SEPTIN7: variants seen among roughly 807,000 people sequenced by gnomAD.
SEPTIN7 encodes septin-7.
SEPTIN7 carries 10 observed loss-of-function variants against 63.3 expected under a neutral mutation model. The observed-to-expected ratio is 0.16, with a 90% CI of 0.10 to 0.27. The LOEUF (loss-of-function observed/expected upper bound fraction) is 0.27, where lower values mean the gene tolerates loss of function less well. Ranked by LOEUF, SEPTIN7 falls within the 10% of genes least tolerant of loss-of-function variation. The probability of loss-of-function intolerance (pLI) is 1.00; values close to 1 mark genes in which losing one functional copy is unlikely to be tolerated. For missense variants in SEPTIN7, 310 were observed against 521.0 expected (o/e 0.59, Z 3.94); for synonymous variants, 131 against 165.3 (o/e 0.79, Z 1.59).
At chr7:35,842,827 T>C (rs574760952) in intron 3 of SEPTIN7, among the ~76,000 whole-genome samples, 185 of 152,298 alleles carry the variant, frequency 1.2e-3, no homozygotes, top group African/African-American at 4.4e-3. Flanking sequence ...CTAAATACTT[T>C]AGTATATCTC....
rs114799219 is a variant in SEPTIN7, at chr7:35,898,798, A to G, written c.1134+415A>G. Reference sequence around the variant, plus strand: ...ATATTTATTTGTGTATGAGTGAAAAAGAGGGAAATAACCTTTATTGAACTA... The same window carrying G: ...ATATTTATTTGTGTATGAGTGAAAAGGAGGGAAATAACCTTTATTGAACTA... On this transcript the variant is annotated intron_variant, in intron 12 of 13. Transcript: ENST00000350320. The G allele has an allele frequency of 3.8e-3, 587 of 153,326 alleles. 3 individuals are homozygous for G. Among genetic ancestry groups the G allele is most frequent in the African/African-American group, 0.013 (560 of 41,588 alleles). The allele number at this position is 153,326 out of a possible 1,614,324, so 9.5% of individuals were successfully genotyped here.
intron 3 of SEPTIN7, among the ~76,000 whole-genome samples, chr7:35,835,589 A>G (rs1784046415): frequency 6.6e-6 from 1 of 152,190 alleles, no homozygotes; most frequent in Non-Finnish European, 1.5e-5. Flanking sequence ...ATCTGGGGAT[A>G]CTGGGTATAG....
chr7:35,853,607 C>T (rs1462561446), intron 3 of SEPTIN7, among the ~76,000 whole-genome samples: 1 of 152,176 alleles, frequency 6.6e-6, no homozygotes, highest in Non-Finnish European at 1.5e-5. Flanking sequence ...GTTTCATTTA[C>T]TTAGCTGTAA....
At chr7:35,823,841 A>G (rs1783361738) in intron 1 of SEPTIN7, among the ~76,000 whole-genome samples, 1 of 151,874 alleles carries the variant, frequency 6.6e-6, no homozygotes, top group South Asian at 2.1e-4. Flanking sequence ...TTACTTCTTA[A>G]AATCCCCTAC....
intron 1 of SEPTIN7, among the ~76,000 whole-genome samples, chr7:35,818,816 C>T (rs528210727): frequency 2.0e-5 from 3 of 151,012 alleles, no homozygotes; most frequent in South Asian, 2.1e-4. Context: ...AGTGATTTCC[C>T]TTCTTTCATT....
At chr7:35,898,000 C>T (rs757590500) in intron 11 of SEPTIN7, among the ~76,000 whole-genome samples, 2 of 151,740 alleles carry the variant, frequency 1.3e-5, no homozygotes, top group Non-Finnish European at 2.9e-5. Flanking sequence ...TCCCATTTTC[C>T]TTCTACAGTT....
chr7:35,808,404 T>C (rs1371720849), intron 1 of SEPTIN7, among the ~76,000 whole-genome samples: 1 of 152,212 alleles, frequency 6.6e-6, no homozygotes, highest in Non-Finnish European at 1.5e-5. Flanking sequence ...TTTGGGTTAT[T>C]CCGTATCAGT....
chr7:35,834,774 T>C (rs1234676705), intron 3 of SEPTIN7, among the ~76,000 whole-genome samples: 2 of 152,188 alleles, frequency 1.3e-5, no homozygotes, highest in African/African-American at 4.8e-5. Context: ...AGGCTGACTC[T>C]AACAGCATCA....
chr7:35,820,517 G>C (rs1789349413), intron 1 of SEPTIN7, among the ~76,000 whole-genome samples: 1 of 151,912 alleles, frequency 6.6e-6, no homozygotes, highest in Non-Finnish European at 1.5e-5. Context: ...ATCCTTCGTT[G>C]AGCTTCTCTA....
intron 4 of SEPTIN7, among the ~76,000 whole-genome samples, chr7:35,866,864 A>G (rs1785834397): frequency 6.6e-6 from 1 of 152,242 alleles, no homozygotes; most frequent in Admixed American, 6.5e-5. Context: ...TTGAGCGCAC[A>G]TCACAATCAC....
At chr7:35,824,901 A>G (rs1228855710) in intron 1 of SEPTIN7, among the ~76,000 whole-genome samples, 3 of 152,200 alleles carry the variant, frequency 2.0e-5, no homozygotes, top group South Asian at 4.1e-4. Context: ...TTCTTATACT[A>G]AGTCTTTAAA....
At chr7:35,815,132 C>T in intron 1 of SEPTIN7, 1 of 444,764 alleles carries the variant, frequency 2.2e-6, no homozygotes, top group South Asian at 1.6e-5. Context: ...CACTGTGTAC[C>T]CATCATTTTT....
At chr7:35,849,602 T>C (rs1436099048) in intron 3 of SEPTIN7, among the ~76,000 whole-genome samples, 1 of 152,196 alleles carries the variant, frequency 6.6e-6, no homozygotes, top group Non-Finnish European at 1.5e-5. Flanking sequence ...ATTAAGTTTA[T>C]TAAAAAGTAA....
chr7:35,884,234 T>C (rs1449920603), intron 9 of SEPTIN7, among the ~76,000 whole-genome samples: 1 of 152,184 alleles, frequency 6.6e-6, no homozygotes, highest in African/African-American at 2.4e-5. Context: ...TTGAACATTC[T>C]TAAAGAGAAA....
chr7:35,864,350 A>C (rs902528652), intron 4 of SEPTIN7, among the ~76,000 whole-genome samples: 1 of 152,112 alleles, frequency 6.6e-6, no homozygotes, highest in African/African-American at 2.4e-5. Flanking sequence ...ATTTCTAACA[A>C]GATCACAGGT....
chr7:35,878,947 T>G (rs560712165), intron 6 of SEPTIN7, among the ~76,000 whole-genome samples: 139 of 152,322 alleles, frequency 9.1e-4, no homozygotes, highest in Admixed American at 2.2e-3. Context: ...TCTATTGTAG[T>G]CATAATAATT....
chr7:35,873,572 G>A, intron 5 of SEPTIN7, 69 bp from the exon 6 acceptor site: 1 of 1,458,340 alleles, frequency 6.9e-7, no homozygotes, highest in Non-Finnish European at 9.2e-7. Flanking sequence ...ACTGATTATT[G>A]TCCTTTAACA....
At chr7:35,816,009 G>T (rs1789034799) in intron 1 of SEPTIN7, among the ~76,000 whole-genome samples, 1 of 151,892 alleles carries the variant, frequency 6.6e-6, no homozygotes, top group Admixed American at 6.6e-5. Context: ...GAGAAGATAT[G>T]TGTGAGAAAG....
chr7:35,894,197 A>G (rs1421775557), intron 11 of SEPTIN7, among the ~76,000 whole-genome samples: 2 of 134,176 alleles, frequency 1.5e-5, no homozygotes, highest in African/African-American at 5.7e-5. Flanking sequence ...TCTTCCTTGT[A>G]CCCTTTACTT....
Sources: allele counts gnomAD v4.1 joint callset (sites outside exome capture counted in the v4.1 genomes callset), GRCh38; gene constraint gnomAD v4.1.1; transcripts MANE v1.5; gene names NCBI Gene and HGNC (gene_info 2026-07-23, HGNC 2026-07-21).